Variants in BORCS5 observed in about 807,000 individuals in gnomAD.
The protein encoded by BORCS5 is BLOC-1-related complex subunit 5.
BORCS5 carries 17 observed loss-of-function variants against 22.1 expected under a neutral mutation model. The observed-to-expected ratio is 0.77, with a 90% confidence interval of 0.53 to 1.15. The LOEUF (loss-of-function observed/expected upper bound fraction) is 1.15. Ranked by LOEUF, BORCS5 falls within the 50% of genes most tolerant of loss-of-function variation. The pLI is 0.00. For synonymous variants in BORCS5, 117 were observed against 99.8 expected (o/e 1.17, Z -1.03); for missense variants, 247 against 253.2 (o/e 0.98, Z 0.17).
rs1863156830 is a variant in BORCS5 at position 12,357,159 on chromosome 12, A to G, written c.-293A>G. ...GCCGCCCGCCGGCCGCAGGTGCGGCAAAGCCAGTGTCATCTGCCGGTTCTC... is the reference window on the plus strand; with the variant it reads ...GCCGCCCGCCGGCCGCAGGTGCGGCGAAGCCAGTGTCATCTGCCGGTTCTC... On this transcript the variant is annotated 5_prime_UTR_variant, in exon 1 of 4. Transcript: ENST00000314565. The G allele has an allele frequency of 2.6e-6, 4 of 1,532,508 alleles. No homozygotes were observed. Among genetic ancestry groups the G allele is most frequent in the African/African-American group, 1.4e-5 (1 of 72,944 alleles). The allele number at this position is 1,532,508 out of a possible 1,614,324, so 94.9% of individuals were successfully genotyped here.
intron 2 of BORCS5, among the ~76,000 whole-genome samples, chr12:12,378,341 C>T (rs559180372): frequency 1.3e-5 from 2 of 152,310 alleles, no homozygotes; most frequent in South Asian, 4.1e-4. Flanking sequence ...CACTGAACTG[C>T]AGCCTGGGTG....
At chr12:12,395,725 C>T (rs545795597) in intron 2 of BORCS5, among the ~76,000 whole-genome samples, 12 of 151,924 alleles carry the variant, frequency 7.9e-5, no homozygotes, top group East Asian at 1.9e-4. Flanking sequence ...TTGACAGCTG[C>T]GCTTTTTGAA....
intron 2 of BORCS5, among the ~76,000 whole-genome samples, chr12:12,367,836 G>A (rs1215515106): frequency 6.6e-6 from 1 of 152,162 alleles, no homozygotes; most frequent in Non-Finnish European, 1.5e-5. Context: ...TCCATTTGCT[G>A]GGACTTTGCT....
Position 12,435,789 on chromosome 12 carries a change from A to G in BORCS5, c.360+4A>G, listed in dbSNP as rs2136125178. The G allele has an allele frequency of 1.2e-6, 2 of 1,608,002 alleles. No individual in the cohort carries two copies. The highest frequency in any genetic ancestry group is 1.7e-6 in the Non-Finnish European group (2 of 1,176,488). On this transcript the variant is annotated splice_donor_region_variant and intron_variant, in intron 3 of 3. Coordinates refer to ENST00000314565, the MANE Select transcript of BORCS5 (RefSeq NM_058169.6). ...TTTGGTTAAACGAATCAAAGAGGTA[A>G]TGTGCTGCGGGAAAATAACATTGCT...
At chr12:12,370,463 C>T (rs1863502453) in intron 2 of BORCS5, among the ~76,000 whole-genome samples, 1 of 152,124 alleles carries the variant, frequency 6.6e-6, no homozygotes. Flanking sequence ...ACCTTTATTT[C>T]ATCAGTTATA....
intron 2 of BORCS5, among the ~76,000 whole-genome samples, chr12:12,414,616 A>C (rs1689521009): frequency 1.1e-5 from 1 of 92,180 alleles, no homozygotes; most frequent in Non-Finnish European, 2.2e-5. Context: ...GGGGCTCCTC[A>C]CTTCCCAGTA....
intron 2 of BORCS5, among the ~76,000 whole-genome samples, chr12:12,417,763 C>T (rs561367095): frequency 6.6e-6 from 1 of 152,106 alleles, no homozygotes; most frequent in African/African-American, 2.4e-5. Context: ...GATCCTCCAT[C>T]TCAGCCTCCT....
chr12:12,375,813 G>GT (rs763510248), intron 2 of BORCS5, among the ~76,000 whole-genome samples: 3 of 147,250 alleles, frequency 2.0e-5, no homozygotes, highest in African/African-American at 8.0e-5. Flanking sequence ...TTTTTTGTTT[G>GT]TTGTTGTTGT....
intron 2 of BORCS5, among the ~76,000 whole-genome samples, chr12:12,419,058 A>G (rs1369814495): frequency 6.6e-6 from 1 of 151,846 alleles, no homozygotes; most frequent in Non-Finnish European, 1.5e-5. Flanking sequence ...TTTTAAAATT[A>G]TTATACTTTA....
chr12:12,435,929 G>C (rs1942546131), intron 3 of BORCS5, 144 bp downstream of exon 3: 1 of 784,514 alleles, frequency 1.3e-6, no homozygotes, highest in East Asian at 2.9e-5. Context: ...GATGAAAAAA[G>C]TGGTCCACAG....
At position 12,463,862 on chromosome 12, in the gene BORCS5, G is replaced by C. The variant is rs955334036; in HGVS notation, c.361-1684G>C. Among the ~76,000 whole-genome samples the C allele has an allele frequency of 3.9e-5, 6 of 152,148 alleles. No individual in the cohort carries two copies. In the East Asian group the frequency reaches 1.2e-3, roughly 29 times the overall value. ...TTTAGACTTGATAAGTTAGAGCCTT[G>C]GAGGCCATTTCAGATAGAAACTCTT... On this transcript the variant is annotated intron_variant, in intron 3 of 3. Transcript: ENST00000314565.
At chr12:12,415,304 C>T (rs1474759220) in intron 2 of BORCS5, among the ~76,000 whole-genome samples, 14 of 149,990 alleles carry the variant, frequency 9.3e-5, no homozygotes, top group African/African-American at 2.9e-4. Context: ...CCCGGCACCT[C>T]GGGAGGCCGA....
intron 2 of BORCS5, among the ~76,000 whole-genome samples, chr12:12,374,316 T>C (rs1435640563): frequency 6.6e-6 from 1 of 151,596 alleles, no homozygotes; most frequent in Non-Finnish European, 1.5e-5. Flanking sequence ...TTAAAAGTCT[T>C]CTATATATAT....
chr12:12,357,873 T>A (rs1863182682), intron 1 of BORCS5, among the ~76,000 whole-genome samples: 1 of 152,226 alleles, frequency 6.6e-6, no homozygotes, highest in South Asian at 2.1e-4. Context: ...CTAAGAACAG[T>A]CTGTTTCTTA....
intron 2 of BORCS5, among the ~76,000 whole-genome samples, chr12:12,431,904 G>T (rs187971085): frequency 0.012 from 1,883 of 151,580 alleles, 29 homozygotes; most frequent in South Asian, 0.028. Flanking sequence ...GTGTTAGCCA[G>T]GCTGGTCTTG....
intron 2 of BORCS5, among the ~76,000 whole-genome samples, chr12:12,382,811 G>A (rs1863803236): frequency 6.6e-6 from 1 of 151,224 alleles, no homozygotes; most frequent in South Asian, 2.1e-4. Context: ...GGGATTACAG[G>A]TGTGAGCCAC....
intron 2 of BORCS5, among the ~76,000 whole-genome samples, chr12:12,379,072 T>C (rs1238312033): frequency 6.6e-6 from 1 of 151,170 alleles, no homozygotes; most frequent in Non-Finnish European, 1.5e-5. Flanking sequence ...CTATACTTTA[T>C]GCAACTTTTC....
At chr12:12,429,964 C>G (rs1320570079) in intron 2 of BORCS5, among the ~76,000 whole-genome samples, 1 of 152,088 alleles carries the variant, frequency 6.6e-6, no homozygotes, top group African/African-American at 2.4e-5. Context: ...CTTTTTCCTC[C>G]TAATATCTTC....
intron 2 of BORCS5, among the ~76,000 whole-genome samples, chr12:12,398,559 A>G (rs943625706): frequency 6.6e-6 from 1 of 152,186 alleles, no homozygotes; most frequent in Non-Finnish European, 1.5e-5. Context: ...TTGTGTAACC[A>G]TCTTGACTCA....
Sources: allele counts gnomAD v4.1 joint callset (sites outside exome capture counted in the v4.1 genomes callset), GRCh38; gene constraint gnomAD v4.1.1; transcripts MANE v1.5; gene names NCBI Gene and HGNC (gene_info 2026-07-23, HGNC 2026-07-21).